Variants in ARID2 observed in about 807,000 individuals in gnomAD.
ARID2 encodes the protein AT-rich interactive domain-containing protein 2.
Under a neutral mutation model 184.6 loss-of-function variants are expected in ARID2, and 32 were observed. The ratio of observed to expected loss-of-function variants is 0.17; its 90% CI spans 0.13 to 0.23. The LOEUF (loss-of-function observed/expected upper bound fraction) is 0.23, where lower values mean the gene tolerates loss of function less well. Ranked by LOEUF, ARID2 falls within the 10% of genes least tolerant of loss-of-function variation. The probability of loss-of-function intolerance (pLI) is 1.00; values close to 1 mark genes in which losing one functional copy is unlikely to be tolerated. For synonymous variants in ARID2, 836 were observed against 772.6 expected (o/e 1.08, Z -1.36); for missense variants, 1,696 against 2,197.6 (o/e 0.77, Z 4.56).
intron 16 of ARID2, among the ~76,000 whole-genome samples, chr12:45,878,108 C>A (rs1011764374): frequency 1.3e-5 from 2 of 152,180 alleles, no homozygotes; most frequent in Admixed American, 6.5e-5. Context: ...CTTGTCCTTC[C>A]ATCAGTAAGT....
At chr12:45,731,099 A>G (rs1353712822) in intron 2 of ARID2, 118 bp from the exon 3 acceptor site, 3 of 729,070 alleles carry the variant, frequency 4.1e-6, no homozygotes, top group Middle Eastern at 5.1e-4. Flanking sequence ...TCGATCCGAA[A>G]CACCCACTGA....
chr12:45,837,279 G>A (rs761339925), intron 8 of ARID2, 42 bp from the exon 9 acceptor site: 7 of 1,469,020 alleles, frequency 4.8e-6, no homozygotes, highest in Non-Finnish European at 6.5e-6. Flanking sequence ...ATACAACTCT[G>A]GAAGAAGCAT....
At chr12:45,888,627 CA>C (rs1213441822) in intron 16 of ARID2, among the ~76,000 whole-genome samples, 1 of 152,180 alleles carries the variant, frequency 6.6e-6, no homozygotes, top group African/African-American at 2.4e-5. Flanking sequence ...ATCATGATGA[CA>C]ATAGCCCTTA....
chr12:45,761,113 T>G (rs1189938947), intron 3 of ARID2, among the ~76,000 whole-genome samples: 2 of 152,220 alleles, frequency 1.3e-5, no homozygotes, highest in Admixed American at 1.3e-4. Flanking sequence ...ATGTTAGAAC[T>G]TAGCTCTGCC....
At chr12:45,895,348 A>G (rs1050088989) in intron 20 of ARID2, among the ~76,000 whole-genome samples, 1 of 152,190 alleles carries the variant, frequency 6.6e-6, no homozygotes, top group Non-Finnish European at 1.5e-5. Context: ...CCTGGAGCAC[A>G]GTACATATTC....
At chr12:45,824,235 A>G (rs922086283) in intron 6 of ARID2, among the ~76,000 whole-genome samples, 3 of 152,140 alleles carry the variant, frequency 2.0e-5, no homozygotes, top group Non-Finnish European at 4.4e-5. Context: ...TGTTTCTTCT[A>G]TGCCTAATTT....
intron 16 of ARID2, among the ~76,000 whole-genome samples, chr12:45,864,763 T>G (rs1351443732): frequency 1.3e-5 from 2 of 152,294 alleles, no homozygotes; most frequent in South Asian, 2.1e-4. Context: ...TTAAGGATCA[T>G]TGTTCAGAAC....
chr12:45,845,743 A>G (rs534672079), intron 11 of ARID2, among the ~76,000 whole-genome samples: 1 of 152,156 alleles, frequency 6.6e-6, no homozygotes, highest in Non-Finnish European at 1.5e-5. Flanking sequence ...CCTAGTTCCA[A>G]TAATTTTAAA....
chr12:45,786,650 G>A (rs1164960712), intron 3 of ARID2, among the ~76,000 whole-genome samples: 1 of 152,178 alleles, frequency 6.6e-6, no homozygotes, highest in Non-Finnish European at 1.5e-5. Flanking sequence ...TATGTCCAAA[G>A]GGAAAGAAAT....
chr12:45,738,804 T>TAAGG (rs1941182824), intron 3 of ARID2, among the ~76,000 whole-genome samples: 1 of 141,696 alleles, frequency 7.1e-6, no homozygotes, highest in Non-Finnish European at 1.5e-5. Context: ...TTTTTTTTTT[T>TAAGG]TTTTTTTTTA....
chr12:45,811,621 T>G lies in ARID2; in HGVS notation c.418+70T>G, dbSNP rs919979618. On this transcript the variant is annotated intron_variant, in intron 4 of 20. Transcript: ENST00000334344. ...AATTAGGAAAATAGACATCATCCAA[T>G]GAGTTAGTCCCTTCCTTTGCACATG... 1.2e-5 allele frequency: 18 copies of G among 1,543,162 alleles called. No individual in the cohort carries two copies. In the Admixed American group the frequency reaches 3.2e-4, roughly 27 times the overall value.
intron 3 of ARID2, among the ~76,000 whole-genome samples, chr12:45,790,883 G>T (rs540296303): frequency 6.6e-6 from 1 of 152,116 alleles, no homozygotes; most frequent in East Asian, 1.9e-4. Flanking sequence ...AGGAAATTCT[G>T]TTCCTACTTT....
At chr12:45,895,929 C>T (rs1944363066) in intron 20 of ARID2, among the ~76,000 whole-genome samples, 1 of 152,100 alleles carries the variant, frequency 6.6e-6, no homozygotes, top group South Asian at 2.1e-4. Context: ...CAAAATATTA[C>T]TGAAAGAAAT....
Position 45,906,057 on chromosome 12 carries a change from T to C in ARID2, c.*979T>C, listed in dbSNP as rs73292551. 1.7e-5 allele frequency: 4 copies of C among 231,874 alleles called. No homozygotes were observed. The highest frequency in any genetic ancestry group is 3.4e-5 in the Non-Finnish European group (4 of 117,370). The allele number at this position is 231,874 out of a possible 1,614,324, so 14.4% of individuals were successfully genotyped here. ...TTTTAGAAGAAAAACTATTTGAAGG[T>C]ATTTTTTGGTTTTCCTTAACATGTA... is the stretch of plus-strand genomic sequence containing the variant. On this transcript the variant is annotated 3_prime_UTR_variant, in exon 21 of 21. Coordinates refer to ENST00000334344, the MANE Select transcript of ARID2 (RefSeq NM_152641.4).
At chr12:45,779,259 A>G (rs1417224459) in intron 3 of ARID2, among the ~76,000 whole-genome samples, 1 of 152,118 alleles carries the variant, frequency 6.6e-6, no homozygotes, top group African/African-American at 2.4e-5. Flanking sequence ...TTCTTAATGT[A>G]TATTGCCAAG....
chr12:45,819,576 T>C (rs949326384), intron 5 of ARID2, among the ~76,000 whole-genome samples: 5 of 152,188 alleles, frequency 3.3e-5, no homozygotes, highest in African/African-American at 7.2e-5. Flanking sequence ...GAGAGAAATA[T>C]AGATGCCACT....
intron 15 of ARID2, among the ~76,000 whole-genome samples, chr12:45,856,334 TG>T (rs921847409): frequency 2.4e-4 from 36 of 152,252 alleles, no homozygotes; most frequent in African/African-American, 8.2e-4. Context: ...CCCAAAGTGC[TG>T]GGATTACAGG....
intron 3 of ARID2, among the ~76,000 whole-genome samples, chr12:45,757,547 T>C (rs1941592751): frequency 6.6e-6 from 1 of 152,208 alleles, no homozygotes; most frequent in Non-Finnish European, 1.5e-5. Flanking sequence ...GCCCTTCTAG[T>C]TCTGGGATGA....
chr12:45,805,472 T>A (rs917760016), intron 3 of ARID2, among the ~76,000 whole-genome samples: 6 of 152,084 alleles, frequency 3.9e-5, no homozygotes, highest in Non-Finnish European at 8.8e-5. Flanking sequence ...GTTTTATATC[T>A]TTATATTCTT....
Sources: gnomAD v4.1 joint callset for allele counts (sites outside exome capture counted in the v4.1 genomes callset) on GRCh38, gnomAD v4.1.1 for gene constraint, MANE v1.5 for transcripts, NCBI Gene and HGNC (gene_info 2026-07-23, HGNC 2026-07-21) for gene names.